NSD1: variants seen among roughly 807,000 people sequenced by gnomAD.
The protein encoded by NSD1 is histone-lysine N-methyltransferase, H3 lysine-36 specific.
Under a neutral mutation model 242.7 loss-of-function variants are expected in NSD1, and 26 were observed. That is an observed-to-expected ratio of 0.11 (90% CI 0.08 to 0.15). The LOEUF is 0.15. Among genes scored for constraint, NSD1 ranks in the 10% least tolerant of loss-of-function variants. The pLI, the probability that NSD1 is intolerant of heterozygous loss-of-function variation, is 1.00. For synonymous variants in NSD1, 1,106 were observed against 1,178.1 expected, an observed-to-expected ratio of 0.94 and a Z score of 1.25; for missense variants, 2,495 against 3,272.8, an observed-to-expected ratio of 0.76 and a Z score of 5.80.
intron 3 of NSD1, among the ~76,000 whole-genome samples, chr5:177,200,016 G>A (rs1056433300): frequency 6.6e-6 from 1 of 152,134 alleles, no homozygotes; most frequent in African/African-American, 2.4e-5. Context: ...CACTAGGAAT[G>A]CATTGGTTCT....
Position 177,297,072 on chromosome 5 carries a change from T to G in NSD1, c.*1613T>G. The G allele has an allele frequency of 4.3e-6, 1 of 233,256 alleles. No individual in the cohort carries two copies. Among genetic ancestry groups the G allele is most frequent in the Non-Finnish European group, 8.5e-6 (1 of 118,036 alleles). 14.4% of individuals were successfully genotyped at this position (233,256 alleles called of 1,614,324 possible). A position where few individuals can be genotyped will look rare whatever the true frequency, so the allele number is the denominator to read the frequency against. On this transcript the variant is annotated 3_prime_UTR_variant, in exon 23 of 23. Coordinates refer to ENST00000439151, the MANE Select transcript of NSD1 (RefSeq NM_022455.5). ...GGAACAGTAGTTATTATAGAAGCAT[T>G]TGCGCTTTATCTAAAGATTAAAAAT... is the stretch of plus-strand genomic sequence containing the variant.
At chr5:177,169,977 T>C (rs2149796809) in intron 2 of NSD1, among the ~76,000 whole-genome samples, 1 of 152,334 alleles carries the variant, frequency 6.6e-6, no homozygotes, top group South Asian at 2.1e-4. Context: ...TTGTGGTGTA[T>C]AATTTTTTTT....
intron 9 of NSD1, among the ~76,000 whole-genome samples, chr5:177,246,170 A>G (rs968311067): frequency 4.6e-5 from 7 of 151,204 alleles, no homozygotes; most frequent in African/African-American, 9.7e-5. Flanking sequence ...GGATTTCACT[A>G]TGTTGGTCAG....
chr5:177,246,844 T>G, intron 10 of NSD1, 48 bp downstream of exon 10: 1 of 1,355,538 alleles, frequency 7.4e-7, no homozygotes, highest in Non-Finnish European at 1.1e-6. Flanking sequence ...GAAGCTACTT[T>G]TCACGCCAGA....
intron 16 of NSD1, among the ~76,000 whole-genome samples, chr5:177,273,387 C>T (rs897510364): frequency 2.0e-5 from 3 of 148,592 alleles, no homozygotes; most frequent in Non-Finnish European, 2.9e-5. Flanking sequence ...AAAAAGTTCT[C>T]GTATTCAGAT....
At chr5:177,277,275 G>A (rs927595117) in intron 17 of NSD1, among the ~76,000 whole-genome samples, 1 of 151,744 alleles carries the variant, frequency 6.6e-6, no homozygotes, top group African/African-American at 2.4e-5. Context: ...TTAGTGATTG[G>A]CAAAAAAGAG....
intron 2 of NSD1, among the ~76,000 whole-genome samples, chr5:177,153,419 C>T (rs1757886659): frequency 1.3e-5 from 2 of 151,962 alleles, no homozygotes; most frequent in African/African-American, 2.4e-5. Flanking sequence ...CAAAATGCTA[C>T]TACAAGATTG....
At chr5:177,146,205 G>GT (rs34454786) in intron 2 of NSD1, among the ~76,000 whole-genome samples, 7,248 of 114,980 alleles carry the variant, frequency 0.063, 431 homozygotes, top group Non-Finnish European at 0.091. Flanking sequence ...TTCACCAATC[G>GT]TTTTTTTTTT....
At chr5:177,289,921 G>A (rs1215474202) in intron 21 of NSD1, among the ~76,000 whole-genome samples, 2 of 150,016 alleles carry the variant, frequency 1.3e-5, no homozygotes, top group South Asian at 2.1e-4. Flanking sequence ...TCCGTCTCCC[G>A]GGTTCACGCC....
intron 4 of NSD1, among the ~76,000 whole-genome samples, chr5:177,209,109 A>G (rs912095727): frequency 5.3e-5 from 8 of 152,172 alleles, no homozygotes; most frequent in Admixed American, 2.0e-4. Flanking sequence ...CTCTAATGAC[A>G]TAATCTTATT....
chr5:177,197,134 G>A (rs567808541), intron 3 of NSD1, among the ~76,000 whole-genome samples: 63 of 152,222 alleles, frequency 4.1e-4, no homozygotes, highest in African/African-American at 1.4e-3. Context: ...GCTGGGCGTG[G>A]TGGTGGATGC....
At chr5:177,275,308 G>A (rs1754832957) in intron 17 of NSD1, among the ~76,000 whole-genome samples, 1 of 151,716 alleles carries the variant, frequency 6.6e-6, no homozygotes, top group Non-Finnish European at 1.5e-5. Context: ...CTCAGGTGTA[G>A]TAGACGGTCT....
At chr5:177,153,222 T>A (rs1030886415) in intron 2 of NSD1, among the ~76,000 whole-genome samples, 16 of 150,808 alleles carry the variant, frequency 1.1e-4, no homozygotes, top group East Asian at 5.8e-4. Context: ...TTTTTTTTTT[T>A]AATTATTTCT....
intron 2 of NSD1, among the ~76,000 whole-genome samples, chr5:177,152,319 G>A (rs4976675): frequency 0.035 from 4,546 of 128,168 alleles, 212 homozygotes; most frequent in East Asian, 0.26. Flanking sequence ...TTGTGTGTGT[G>A]TGTATGTATG....
At chr5:177,152,021 C>T (rs967246811) in intron 2 of NSD1, among the ~76,000 whole-genome samples, 25 of 151,808 alleles carry the variant, frequency 1.6e-4, no homozygotes, top group Admixed American at 2.6e-4. Context: ...CCACCACACC[C>T]GGCTAATTTT....
intron 14 of NSD1, 127 bp downstream of exon 14, chr5:177,260,295 C>A: frequency 1.2e-6 from 1 of 848,394 alleles, no homozygotes; most frequent in Non-Finnish European, 1.9e-6. Flanking sequence ...TATTCATCTG[C>A]CATTCAGGAA....
At position 177,297,069 on chromosome 5, in the gene NSD1, C is replaced by G; in HGVS notation, c.*1610C>G. ...GAGGGAACAGTAGTTATTATAGAAG[C>G]ATTTGCGCTTTATCTAAAGATTAAA... On this transcript the variant is annotated 3_prime_UTR_variant, in exon 23 of 23. Coordinates refer to ENST00000439151, the MANE Select transcript of NSD1 (RefSeq NM_022455.5). 1 of 233,238 alleles carries G rather than the reference C, an allele frequency of 4.3e-6. No homozygotes were observed. Among genetic ancestry groups the G allele is most frequent in the Non-Finnish European group, 8.5e-6 (1 of 118,018 alleles). 14.4% of individuals were successfully genotyped at this position (233,238 alleles called of 1,614,324 possible).
chr5:177,275,211 C>T (rs1047053967), intron 17 of NSD1, among the ~76,000 whole-genome samples: 31 of 151,872 alleles, frequency 2.0e-4, no homozygotes, highest in African/African-American at 7.5e-4. Flanking sequence ...TTTTTATTTG[C>T]TAAATCTGAT....
At chr5:177,244,562 G>A (rs1766131519) in intron 9 of NSD1, among the ~76,000 whole-genome samples, 1 of 152,160 alleles carries the variant, frequency 6.6e-6, no homozygotes, top group South Asian at 2.1e-4. Context: ...GATGAACAAG[G>A]TAGCAAGGTC....
Sources: gnomAD v4.1 joint callset for allele counts (sites outside exome capture counted in the v4.1 genomes callset) on GRCh38, gnomAD v4.1.1 for gene constraint, MANE v1.5 for transcripts, NCBI Gene and HGNC (gene_info 2026-07-23, HGNC 2026-07-21) for gene names.